Variants in NDRG4 observed in about 807,000 individuals in gnomAD.
NDRG4 encodes the protein protein NDRG4.
In NDRG4, 38 loss-of-function variants were observed where a neutral mutation model predicts 55.8. The observed-to-expected ratio is 0.68, with a 90% CI of 0.53 to 0.89. NDRG4 has a LOEUF of 0.89. NDRG4 is among the 40% of genes least tolerant of loss of function. NDRG4 has a pLI of 0.00. For synonymous variants in NDRG4, 190 were observed against 182.7 expected (o/e 1.04, Z -0.32); for missense variants, 455 against 468.6 (o/e 0.97, Z 0.27).
At chr16:58,482,967 G>A (rs1012497402) in intron 1 of NDRG4, among the ~76,000 whole-genome samples, 2 of 152,022 alleles carry the variant, frequency 1.3e-5, no homozygotes, top group Admixed American at 1.3e-4. Flanking sequence ...TGAATTTTTA[G>A]TAGAGACAGG....
At position 58,504,092 on chromosome 16, in the gene NDRG4, C is replaced by A; in HGVS notation, c.128-62C>A. 1.9e-6 allele frequency: 3 copies of A among 1,605,904 alleles called. No individual in the cohort carries two copies. In the South Asian group the frequency reaches 3.3e-5, roughly 18 times the overall value. On this transcript the variant is annotated intron_variant, in intron 2 of 14. Transcript: ENST00000570248. ...TCTGCCTTGCCTGCCCTCTGGGGGC[C>A]CGGCCTTCCTTCCAGTCCCCCGGCC...
intron 1 of NDRG4, among the ~76,000 whole-genome samples, chr16:58,466,796 G>C (rs375916909): frequency 6.6e-6 from 1 of 152,278 alleles, no homozygotes; most frequent in East Asian, 1.9e-4. Context: ...TCAGACTTCA[G>C]CCCTCTCATC....
At chr16:58,504,724 G>T (rs1555485747) in intron 5 of NDRG4, 75 bp downstream of exon 5, 5 of 1,536,514 alleles carry the variant, frequency 3.3e-6, no homozygotes, top group East Asian at 4.5e-5. Context: ...GGACTGGGGG[G>T]AACCCTTCAG....
At position 58,506,850 on chromosome 16, in the gene NDRG4, C is replaced by A. The variant is rs562300715; in HGVS notation, c.517-62C>A. 4.0e-6 allele frequency: 6 copies of A among 1,492,436 alleles called. No homozygotes were observed. The East Asian group carries it at 1.4e-4, about 35-fold the overall frequency. 92.4% of individuals were successfully genotyped at this position (1,492,436 alleles called of 1,614,324 possible). A position where few individuals can be genotyped will look rare whatever the true frequency, so the allele number is the denominator to read the frequency against. On this transcript the variant is annotated intron_variant, in intron 7 of 14. Transcript: ENST00000570248. Reference sequence around the variant, plus strand: ...TCTGGCAGTGACATCTGCCAGCCCCCTCTAAGCCTGCGTCCCTCTGTCTGC... The same window carrying A: ...TCTGGCAGTGACATCTGCCAGCCCCATCTAAGCCTGCGTCCCTCTGTCTGC...
At chr16:58,466,769 AC>A (rs1031430197) in intron 1 of NDRG4, among the ~76,000 whole-genome samples, 1 of 152,182 alleles carries the variant, frequency 6.6e-6, no homozygotes, top group Admixed American at 6.5e-5. Flanking sequence ...GTGACTTCAG[AC>A]AGGTTGCTTA....
At chr16:58,511,009 G>A (rs2038732660) in intron 14 of NDRG4, 2 of 503,646 alleles carry the variant, frequency 4.0e-6, no homozygotes, top group East Asian at 6.2e-5. Context: ...GAGTTCCGGA[G>A]GGTAGAGTTT....
intron 1 of NDRG4, chr16:58,503,583 G>T: frequency 3.3e-6 from 3 of 898,448 alleles, no homozygotes; most frequent in East Asian, 2.6e-5. Flanking sequence ...TCCCCATGCA[G>T]ATCAGTTCAC....
intron 1 of NDRG4, chr16:58,463,934 C>A (rs577773731): frequency 6.8e-6 from 1 of 146,254 alleles, no homozygotes; most frequent in Non-Finnish European, 1.5e-5. Flanking sequence ...CCCCGCGAGT[C>A]CCGCACCGAC....
chr16:58,509,939 GAC>G (rs3048060), intron 13 of NDRG4, among the ~76,000 whole-genome samples: 19,599 of 149,608 alleles, frequency 0.13, 1,598 homozygotes, highest in Admixed American at 0.24. Flanking sequence ...CACACACACA[GAC>G]ACACACACAC....
intron 1 of NDRG4, among the ~76,000 whole-genome samples, chr16:58,478,173 G>A (rs1036137272): frequency 2.6e-5 from 4 of 152,030 alleles, no homozygotes; most frequent in Non-Finnish European, 5.9e-5. Flanking sequence ...GATGGATCAC[G>A]AGGTCAGGGG....
In NDRG4 at chr16:58,464,510, T is replaced by A; in HGVS notation, c.-24+713T>A. 1 of 1,299,436 alleles carries A rather than the reference T, an allele frequency of 7.7e-7. No individual in the cohort carries two copies. Among genetic ancestry groups the A allele is most frequent in the Non-Finnish European group, 9.8e-7 (1 of 1,021,882 alleles). 80.5% of individuals were successfully genotyped at this position (1,299,436 alleles called of 1,614,324 possible). Reference sequence around the variant, plus strand: ...CGCAGCCGGCCGCCACTTTCCGAGTTGGAGCGGACTCCGGGCGCGGCGGCC... The same window carrying A: ...CGCAGCCGGCCGCCACTTTCCGAGTAGGAGCGGACTCCGGGCGCGGCGGCC... On this transcript the variant is annotated intron_variant, in intron 1 of 15. Transcript: ENST00000258187. The surrounding 1 kb of genome is among the most constrained non-coding windows in gnomAD (Gnocchi z 4.8).
At position 58,504,186 on chromosome 16, in the gene NDRG4, G is replaced by A. The variant is rs140675936; in HGVS notation, c.160G>A (p.Glu54Lys). 1.9e-5 allele frequency: 31 copies of A among 1,614,054 alleles called. No individual in the cohort carries two copies. The highest frequency in any genetic ancestry group is 2.3e-5 in the Non-Finnish European group (27 of 1,180,044). The change falls in exon 3 of 15, where the codon GAG becomes AAG. Residue 54 changes from glutamate (E) to lysine (K), a missense_variant. By Grantham distance (56) the Glu-to-Lys change is moderately conservative. Coordinates refer to ENST00000570248, the MANE Select transcript of NDRG4 (RefSeq NM_001242835.2). ...ATGCTTCAACACCTTCTTCAACTTC[G>A]AGGACATGCAGGAGATCACCAAGCA... Reference protein sequence around the residue: ...KLCFNTFFNFEDMQEITKHFV... With the variant: ...KLCFNTFFNFKDMQEITKHFV...
intron 1 of NDRG4, among the ~76,000 whole-genome samples, chr16:58,483,620 G>C (rs545740475): frequency 6.6e-6 from 1 of 152,116 alleles, no homozygotes; most frequent in African/African-American, 2.4e-5. Context: ...GCCCCTCTGC[G>C]TGCAGCTATG....
rs1431572765 is a variant in NDRG4, at chr16:58,500,243, G to C, written c.-6G>C. 11 of 1,535,728 alleles carry C rather than the reference G, an allele frequency of 7.2e-6. No individual in the cohort carries two copies. The highest frequency in any genetic ancestry group is 8.7e-6 in the Non-Finnish European group (10 of 1,146,824). Reference sequence around the variant, plus strand: ...CTGGTAGAGGCGGGTTCCCTCCCTCGGCAAGATGCCGGAGTGCTGGGATGG... The same window carrying C: ...CTGGTAGAGGCGGGTTCCCTCCCTCCGCAAGATGCCGGAGTGCTGGGATGG... On this transcript the variant is annotated 5_prime_UTR_variant, in exon 1 of 15. Transcript: ENST00000570248.
At chr16:58,507,784 T>TCTGCCC (rs748591711) in intron 8 of NDRG4, 24 bp from the exon 9 acceptor site, 5 of 1,612,120 alleles carry the variant, frequency 3.1e-6, no homozygotes, top group South Asian at 1.1e-5. Flanking sequence ...CACCTCTGCC[T>TCTGCCC]CTGCCCCTCC....
At chr16:58,501,266 C>T in intron 1 of NDRG4, 1 of 397,302 alleles carries the variant, frequency 2.5e-6, no homozygotes, top group Non-Finnish European at 4.4e-6. Flanking sequence ...GCTGACAGGC[C>T]GAACCACAGC....
At chr16:58,479,114 C>T (rs980536629) in intron 1 of NDRG4, among the ~76,000 whole-genome samples, 24 of 152,040 alleles carry the variant, frequency 1.6e-4, no homozygotes, top group South Asian at 2.1e-4. Flanking sequence ...CTGCAATCTT[C>T]GCCTCCCAAG....
chr16:58,464,379 A>T lies in NDRG4; in HGVS notation c.-24+582A>T. ...CGCGCTCCTCTCCCCGGCTCGGCCG[A>T]GCGCGCTGCCCCGACGCCGCCACCC... On this transcript the variant is annotated intron_variant, in intron 1 of 15. Transcript: ENST00000258187. This position sits in a 1 kb window ranked among gnomAD's most constrained non-coding sequence, Gnocchi z 4.8. 7.3e-7 allele frequency: 1 copy of T among 1,361,656 alleles called. No homozygotes were observed. The highest frequency in any genetic ancestry group is 9.4e-7 in the Non-Finnish European group (1 of 1,061,398). The allele number at this position is 1,361,656 out of a possible 1,614,324, so 84.3% of individuals were successfully genotyped here.
chr16:58,515,043 G>A (rs1252345065), downstream of NDRG4, among the ~76,000 whole-genome samples: 2 of 152,206 alleles, frequency 1.3e-5, no homozygotes, highest in Non-Finnish European at 2.9e-5. Context: ...AGATCCAGGA[G>A]CCCTCTAGGC....
Sources: allele counts gnomAD v4.1 joint callset (sites outside exome capture counted in the v4.1 genomes callset), GRCh38; gene constraint gnomAD v4.1.1; non-coding constraint Gnocchi (gnomAD v3.1); transcripts MANE v1.5; gene names NCBI Gene and HGNC (gene_info 2026-07-23, HGNC 2026-07-21).